The following AKAP9 variants were observed in gnomAD, a reference collection of about 807,000 sequenced individuals.
AKAP9 encodes A-kinase anchoring protein 9, also known as A-kinase anchor protein 9.
AKAP9 carries 311 observed loss-of-function variants against 488.5 expected under a neutral mutation model. The ratio of observed to expected loss-of-function variants is 0.64; its 90% CI spans 0.58 to 0.70. AKAP9 has a LOEUF of 0.70. Ranked by LOEUF, AKAP9 falls within the 30% of genes least tolerant of loss-of-function variation. AKAP9 has a pLI of 0.00. For synonymous variants in AKAP9, 1,462 were observed against 1,483.5 expected (o/e 0.99, Z 0.33); for missense variants, 4,215 against 4,374.5 (o/e 0.96, Z 1.03).
chr7:92,079,746 A>G lies in AKAP9; in HGVS notation c.7613A>G (p.Lys2538Arg). The change falls in exon 31 of 50, where the codon AAG becomes AGG. Residue 2538 changes from lysine (K) to arginine (R), a missense_variant. Physicochemically the swap from Lys to Arg is conservative, Grantham distance 26. Coordinates refer to ENST00000356239, the MANE Select transcript of AKAP9 (RefSeq NM_005751.5). ...QGQFETEMLQKKIVNLQKIVE... is the reference protein window; with the variant it reads ...QGQFETEMLQRKIVNLQKIVE... ...CAGTTTGAAACAGAAATGCTTCAAA[A>G]GAAGATTGTAAACCTACAGAAAATA... is the stretch of plus-strand genomic sequence containing the variant. 2.5e-6 allele frequency: 4 copies of G among 1,614,154 alleles called. No homozygotes were observed. The highest frequency in any genetic ancestry group is 2.5e-6 in the Non-Finnish European group (3 of 1,180,012).
chr7:92,014,294 A>G lies in AKAP9; in HGVS notation c.3578A>G (p.Lys1193Arg). 1.9e-6 allele frequency: 3 copies of G among 1,613,406 alleles called. No individual in the cohort carries two copies. The highest frequency in any genetic ancestry group is 2.5e-6 in the Non-Finnish European group (3 of 1,179,458). Residue 1193 changes from lysine to arginine, a missense_variant, in exon 10 of 50, where the codon AAG becomes AGG. Transcript: ENST00000356239. ...PLHLLIGKLQ[K>R]AVSEECSYFL... ...CATCTGCTCATTGGAAAACTTCAAA[A>G]GGCAGTGTCTGAAGAATGTTCTTAT...
At chr7:92,014,420 G>A in intron 10 of AKAP9, 92 bp downstream of exon 10, 2 of 921,136 alleles carry the variant, frequency 2.2e-6, no homozygotes, top group South Asian at 1.4e-5. Flanking sequence ...CAGATCACTT[G>A]AGTTCGAGAC....
chr7:92,068,220 G>A (rs1414634333), intron 26 of AKAP9, among the ~76,000 whole-genome samples: 1 of 151,400 alleles, frequency 6.6e-6, no homozygotes, highest in African/African-American at 2.4e-5. Flanking sequence ...AAAAAAATTA[G>A]CCAGGCGTGG....
In AKAP9 at chr7:91,973,754, G is replaced by C; in HGVS notation, c.92G>C (p.Ser31Thr). ...RQRKAQSDGQ[S>T]PSKKQKKKRK... ...AGAAAAGCTCAGTCGGATGGGCAGA[G>C]TCCTTCCAAGAAGCAGAAAAAAAAG... Residue 31 changes from serine to threonine, a missense_variant, in exon 2 of 50, where the codon AGT (serine) becomes ACT (threonine). Physicochemically the swap from Ser to Thr is moderately conservative, Grantham distance 58 (BLOSUM62 1). Coordinates refer to ENST00000356239, the MANE Select transcript of AKAP9 (RefSeq NM_005751.5). The C allele has an allele frequency of 1.2e-6, 2 of 1,613,828 alleles. No homozygotes were observed. Among genetic ancestry groups the C allele is most frequent in the Non-Finnish European group, 1.7e-6 (2 of 1,179,964 alleles).
chr7:92,079,130 T>A lies in AKAP9; in HGVS notation c.6997T>A (p.Cys2333Ser), dbSNP rs931832401. The A allele has an allele frequency of 6.8e-6, 11 of 1,613,292 alleles. No individual in the cohort carries two copies. The highest frequency in any genetic ancestry group is 9.3e-6 in the Non-Finnish European group (11 of 1,179,730). Reference protein sequence around the residue: ...LIRDLETQIECLMSDQECVKR... With the variant: ...LIRDLETQIESLMSDQECVKR... ...AAGGGATCTTGAAACCCAAATAGAA[T>A]GTTTGATGAGTGATCAAGAATGTGT... Residue 2333 changes from cysteine to serine, a missense_variant, in exon 31 of 50, where the codon TGT becomes AGT. Physicochemically the swap from Cys to Ser is moderately radical, Grantham distance 112. Around this residue, in one of 5 missense-constraint regions of AKAP9, gnomAD observed 1,476 missense variants for 1,477.4 expected, o/e 1.00. Transcript: ENST00000356239.
At chr7:92,093,633 G>C (rs1477996829) in intron 39 of AKAP9, among the ~76,000 whole-genome samples, 2 of 152,078 alleles carry the variant, frequency 1.3e-5, no homozygotes, top group African/African-American at 2.4e-5. Context: ...TCATGATTGA[G>C]TGAGCTAAAA....
At position 92,001,331 on chromosome 7, in the gene AKAP9, G is replaced by A. The variant is rs1332034892; in HGVS notation, c.1414G>A (p.Glu472Lys). 8 of 1,613,874 alleles carry A rather than the reference G, an allele frequency of 5.0e-6. No homozygotes were observed. Among genetic ancestry groups the A allele is most frequent in the Non-Finnish European group, 6.8e-6 (8 of 1,179,828 alleles). Residue 472 changes from glutamate to lysine, a missense_variant, in exon 8 of 50, where the codon GAG (glutamate) becomes AAG (lysine). Physicochemically the swap from Glu to Lys is moderately conservative, Grantham distance 56. This residue lies in a region of AKAP9 where 2,361 missense variants were observed against 2,430.0 expected (regional missense o/e 0.97). Transcript: ENST00000356239. ...GAAAACACGGCATAAGGGAGAAATG[G>A]AGAATGCTTTAAGGTCATATTCAAA... is the stretch of plus-strand genomic sequence containing the variant. Reference protein sequence around the residue: ...EMKTRHKGEMENALRSYSNIT... With the variant: ...EMKTRHKGEMKNALRSYSNIT...
intron 38 of AKAP9, chr7:92,089,796 G>A (rs1244709289): frequency 3.7e-6 from 1 of 268,922 alleles, no homozygotes; most frequent in Non-Finnish European, 7.1e-6. Flanking sequence ...CTTTATTTTA[G>A]AGCTGTATGT....
At chr7:92,017,532 G>T (rs1193544036) in intron 12 of AKAP9, among the ~76,000 whole-genome samples, 1 of 152,012 alleles carries the variant, frequency 6.6e-6, no homozygotes, top group Non-Finnish European at 1.5e-5. Context: ...AGAAAACTAG[G>T]TAAGATAGTA....
In AKAP9 at chr7:91,992,186, C is replaced by T. The variant is rs750656682; in HGVS notation, c.380C>T (p.Thr127Ile). 1.2e-6 allele frequency: 2 copies of T among 1,609,104 alleles called. No homozygotes were observed. ...EVNGCSFVMRTGKPTNLLREE... is the reference protein window; with the variant it reads ...EVNGCSFVMRIGKPTNLLREE... ...AATGGTTGCAGTTTTGTGATGAGAACAGGAAAGCCTACAAATTTATTAAGG... is the reference window on the plus strand; with the variant it reads ...AATGGTTGCAGTTTTGTGATGAGAATAGGAAAGCCTACAAATTTATTAAGG... Residue 127 changes from threonine (T) to isoleucine (I), a missense_variant, in exon 4 of 50, where the codon ACA becomes ATA. This residue lies in a region of AKAP9 where 2,361 missense variants were observed against 2,430.0 expected (regional missense o/e 0.97). Coordinates refer to ENST00000356239, the MANE Select transcript of AKAP9 (RefSeq NM_005751.5).
intron 46 of AKAP9, 91 bp downstream of exon 46, chr7:92,102,917 C>A: frequency 8.6e-7 from 1 of 1,168,446 alleles, no homozygotes; most frequent in Non-Finnish European, 1.3e-6. Flanking sequence ...GCTGGTTATA[C>A]TCTATATTTA....
chr7:92,069,719 A>G (rs1204918581), intron 26 of AKAP9, among the ~76,000 whole-genome samples: 1 of 152,142 alleles, frequency 6.6e-6, no homozygotes, highest in East Asian at 1.9e-4. Context: ...AGTGCTTAAA[A>G]AGTTTCAGAT....
chr7:92,034,494 A>AT (rs1161686473), intron 16 of AKAP9, among the ~76,000 whole-genome samples: 304 of 89,586 alleles, frequency 3.4e-3, no homozygotes, highest in African/African-American at 9.4e-3. Context: ...ATATATATAT[A>AT]TATATTTTTT....
At chr7:92,049,494 C>G (rs1807550641) in intron 21 of AKAP9, among the ~76,000 whole-genome samples, 3 of 151,918 alleles carry the variant, frequency 2.0e-5, no homozygotes, top group South Asian at 4.2e-4. Context: ...GCCTGTAGTC[C>G]CAGCTACTTG....
At chr7:91,946,775 A>T (rs569621536) in intron 1 of AKAP9, among the ~76,000 whole-genome samples, 1 of 152,210 alleles carries the variant, frequency 6.6e-6, no homozygotes, top group Non-Finnish European at 1.5e-5. Context: ...ATGATAGCTC[A>T]TGGAAAGAGG....
chr7:92,075,403 G>A (rs1256303547), intron 28 of AKAP9, among the ~76,000 whole-genome samples: 1 of 152,202 alleles, frequency 6.6e-6, no homozygotes, highest in Non-Finnish European at 1.5e-5. Flanking sequence ...TATAATCATT[G>A]CAGTTTTCAG....
chr7:92,016,391 C>G (rs1217319884), intron 11 of AKAP9, 124 bp downstream of exon 11: 2 of 687,670 alleles, frequency 2.9e-6, no homozygotes, highest in Non-Finnish European at 2.4e-6. Context: ...AACATTTTAT[C>G]CTCCTTTCAG....
chr7:92,062,585 A>G (rs946411342), intron 24 of AKAP9, 99 bp downstream of exon 24: 2 of 926,728 alleles, frequency 2.2e-6, no homozygotes, highest in East Asian at 2.6e-5. Flanking sequence ...GCCATTATTC[A>G]TATATTTTAT....
intron 16 of AKAP9, among the ~76,000 whole-genome samples, chr7:92,036,547 C>T (rs768069153): frequency 6.6e-6 from 1 of 152,142 alleles, no homozygotes; most frequent in Admixed American, 6.6e-5. Flanking sequence ...TATTCTCAGC[C>T]ATTATCTCGT....
Sources: allele counts gnomAD v4.1 joint callset (sites outside exome capture counted in the v4.1 genomes callset), GRCh38; gene constraint gnomAD v4.1.1; regional missense constraint gnomAD v4.1.1; transcripts MANE v1.5; gene names NCBI Gene and HGNC (gene_info 2026-07-23, HGNC 2026-07-21).